SASS6: variants seen among roughly 807,000 people sequenced by gnomAD.
The protein encoded by SASS6 is spindle assembly abnormal protein 6 homolog.
In SASS6, 59 loss-of-function variants were observed where a neutral mutation model predicts 94.9. That is an observed-to-expected ratio of 0.62 (90% CI 0.50 to 0.77). The LOEUF (loss-of-function observed/expected upper bound fraction) is 0.77, where lower values mean the gene tolerates loss of function less well. SASS6 is among the 30% of genes least tolerant of loss of function. The probability of loss-of-function intolerance (pLI) is 0.00; values close to 1 mark genes in which losing one functional copy is unlikely to be tolerated. For missense variants in SASS6, 698 were observed against 734.1 expected, an observed-to-expected ratio of 0.95 and a Z score of 0.57; for synonymous variants, 264 against 270.0, an observed-to-expected ratio of 0.98 and a Z score of 0.22.
In SASS6 at chr1:100,107,732, A is replaced by C. The variant is rs1247935003; in HGVS notation, c.1057-15T>G. 6.4e-7 allele frequency: 1 copy of C among 1,570,160 alleles called. No homozygotes were observed. The highest frequency in any genetic ancestry group is 1.2e-5 in the South Asian group (1 of 86,726). On this transcript the variant is annotated splice_polypyrimidine_tract_variant and intron_variant, in intron 9 of 16. Coordinates refer to ENST00000287482, the MANE Select transcript of SASS6 (RefSeq NM_194292.3). ...TCTAAAACCACCTGATATATTTTTT[A>C]AAAACATGAATAATTAGGGCATTTG...
chr1:100,129,277 CAAACA>C (rs1306094032), intron 1 of SASS6, among the ~76,000 whole-genome samples: 3 of 151,526 alleles, frequency 2.0e-5, no homozygotes, highest in African/African-American at 4.8e-5. Flanking sequence ...TAGGATGACA[CAAACA>C]AAACAAAACA....
At chr1:100,111,740 G>A (rs537346693) in intron 7 of SASS6, among the ~76,000 whole-genome samples, 4 of 152,180 alleles carry the variant, frequency 2.6e-5, no homozygotes, top group African/African-American at 9.6e-5. Context: ...AGCTGAAAAG[G>A]AGAGGAGAAG....
intron 7 of SASS6, among the ~76,000 whole-genome samples, chr1:100,113,064 C>A (rs1653463851): frequency 6.6e-6 from 1 of 152,048 alleles, no homozygotes; most frequent in African/African-American, 2.4e-5. Context: ...TAAACAAATG[C>A]CCTTATGAAG....
At chr1:100,113,408 A>G (rs1226538423) in intron 7 of SASS6, among the ~76,000 whole-genome samples, 1 of 152,076 alleles carries the variant, frequency 6.6e-6, no homozygotes, top group Non-Finnish European at 1.5e-5. Context: ...GGAGATCGAG[A>G]CCATCCTGGC....
At chr1:100,119,646 G>A (rs1205555294) in intron 6 of SASS6, among the ~76,000 whole-genome samples, 2 of 152,168 alleles carry the variant, frequency 1.3e-5, no homozygotes, top group Admixed American at 1.3e-4. Context: ...ATGGTTTAGT[G>A]CCATTCCCTT....
intron 14 of SASS6, among the ~76,000 whole-genome samples, chr1:100,098,190 C>T (rs978873548): frequency 2.6e-5 from 4 of 151,796 alleles, no homozygotes; most frequent in South Asian, 2.1e-4. Context: ...TTAAAAACAA[C>T]GGCAAACTAG....
chr1:100,085,686 T>C, intron 15 of SASS6, 56 bp from the exon 16 acceptor site: 2 of 1,047,558 alleles, frequency 1.9e-6, no homozygotes, highest in Non-Finnish European at 2.9e-6. Context: ...ACTTTGAAGG[T>C]TTATCTCATA....
At chr1:100,095,689 C>A (rs1377297121) in intron 14 of SASS6, among the ~76,000 whole-genome samples, 2 of 152,240 alleles carry the variant, frequency 1.3e-5, no homozygotes, top group Admixed American at 1.3e-4. Context: ...TTACCAAAAA[C>A]CACTAATGAG....
chr1:100,106,241 T>C (rs1312990541), intron 12 of SASS6, among the ~76,000 whole-genome samples: 2 of 152,208 alleles, frequency 1.3e-5, no homozygotes, highest in Non-Finnish European at 2.9e-5. Flanking sequence ...GAGAAAATGT[T>C]AGTTAAAATC....
intron 7 of SASS6, among the ~76,000 whole-genome samples, chr1:100,117,354 T>G: frequency 6.8e-6 from 1 of 147,780 alleles, no homozygotes; most frequent in East Asian, 2.0e-4. Context: ...TACAAAGCAG[T>G]AGAAAATAAC....
chr1:100,123,759 A>C (rs1424024752), intron 2 of SASS6, among the ~76,000 whole-genome samples: 1 of 152,264 alleles, frequency 6.6e-6, no homozygotes, highest in African/African-American at 2.4e-5. Context: ...TCAGAAGACC[A>C]GGGTATCAGG....
At chr1:100,121,682 T>C (rs1032545226) in intron 4 of SASS6, 133 bp from the exon 5 acceptor site, 18 of 562,038 alleles carry the variant, frequency 3.2e-5, no homozygotes, top group Non-Finnish European at 5.3e-5. Context: ...AAAAGATAAA[T>C]TGGGCAAAAA....
At chr1:100,125,390 T>C (rs1413419198) in intron 2 of SASS6, among the ~76,000 whole-genome samples, 1 of 151,432 alleles carries the variant, frequency 6.6e-6, no homozygotes, top group Admixed American at 6.6e-5. Flanking sequence ...TTTAGAAATA[T>C]ATGGTATAGG....
At chr1:100,128,169 T>A (rs1194578912) in intron 1 of SASS6, among the ~76,000 whole-genome samples, 4 of 152,132 alleles carry the variant, frequency 2.6e-5, no homozygotes, top group African/African-American at 9.7e-5. Context: ...CCTGAGTAGC[T>A]GAGTTTACAG....
chr1:100,093,645 C>T (rs1269016444), intron 14 of SASS6, among the ~76,000 whole-genome samples: 1 of 151,910 alleles, frequency 6.6e-6, no homozygotes, highest in Non-Finnish European at 1.5e-5. Flanking sequence ...ACCTGTAGTC[C>T]CAGCTACTCA....
At chr1:100,118,986 G>A in intron 7 of SASS6, 32 bp downstream of exon 7, 1 of 1,452,530 alleles carries the variant, frequency 6.9e-7, no homozygotes, top group Non-Finnish European at 9.2e-7. Context: ...AGCAATAAAA[G>A]ATATTTTTTC....
intron 1 of SASS6, among the ~76,000 whole-genome samples, chr1:100,131,855 G>T (rs1648939192): frequency 6.6e-6 from 1 of 152,108 alleles, no homozygotes; most frequent in South Asian, 2.1e-4. Flanking sequence ...ACAAACACGT[G>T]AATACGCAAA....
At chr1:100,132,090 C>A (rs1315497012) in intron 1 of SASS6, among the ~76,000 whole-genome samples, 2 of 152,186 alleles carry the variant, frequency 1.3e-5, no homozygotes, top group Non-Finnish European at 2.9e-5. Context: ...TTTATTTCCT[C>A]CAGTGATTGT....
intron 1 of SASS6, among the ~76,000 whole-genome samples, chr1:100,128,159 C>G (rs539839546): frequency 6.6e-6 from 1 of 152,248 alleles, no homozygotes; most frequent in South Asian, 2.1e-4. Context: ...GCCTCAGTCT[C>G]CTGAGTAGCT....
Sources: gnomAD v4.1 joint callset for allele counts (sites outside exome capture counted in the v4.1 genomes callset) on GRCh38, gnomAD v4.1.1 for gene constraint, MANE v1.5 for transcripts, NCBI Gene and HGNC (gene_info 2026-07-23, HGNC 2026-07-21) for gene names.